The following GNPTAB variants were observed in gnomAD, a reference collection of about 807,000 sequenced individuals.
The protein encoded by GNPTAB is N-acetylglucosamine-1-phosphate transferase subunits alpha and beta, also known as N-acetylglucosamine-1-phosphotransferase subunits alpha/beta.
GNPTAB carries 92 observed loss-of-function variants against 136.6 expected under a neutral mutation model. That is an observed-to-expected ratio of 0.67 (90% CI 0.57 to 0.80). The LOEUF is 0.80. Ranked by LOEUF, GNPTAB falls within the 30% of genes least tolerant of loss-of-function variation. The probability of loss-of-function intolerance (pLI) is 0.00; values close to 1 mark genes in which losing one functional copy is unlikely to be tolerated. For synonymous variants in GNPTAB, 512 were observed against 535.1 expected (o/e 0.96, Z 0.60); for missense variants, 1,343 against 1,501.8 (o/e 0.89, Z 1.75).
intron 1 of GNPTAB, among the ~76,000 whole-genome samples, chr12:101,809,800 C>T (rs1427979371): frequency 6.6e-6 from 1 of 152,068 alleles, no homozygotes; most frequent in Non-Finnish European, 1.5e-5. Context: ...AACTGCAGGG[C>T]AGTGAAACTA....
At chr12:101,809,473 C>T (rs929951322) in intron 1 of GNPTAB, among the ~76,000 whole-genome samples, 2 of 152,156 alleles carry the variant, frequency 1.3e-5, no homozygotes, top group East Asian at 1.9e-4. Flanking sequence ...TGCACATAAA[C>T]GTATATAGCA....
At chr12:101,806,652 A>C (rs1002949242) in intron 1 of GNPTAB, among the ~76,000 whole-genome samples, 2 of 152,182 alleles carry the variant, frequency 1.3e-5, no homozygotes, top group Non-Finnish European at 2.9e-5. Context: ...ATTATGAACA[A>C]CTCTGTCTCC....
At chr12:101,830,532 G>A in intron 1 of GNPTAB, 27 bp downstream of exon 1, 1 of 1,390,838 alleles carries the variant, frequency 7.2e-7, no homozygotes, top group Non-Finnish European at 1.0e-6. Context: ...CGAGGCGCCC[G>A]GTCCAGGCTG....
At chr12:101,772,750 C>T (rs925250984) in intron 7 of GNPTAB, among the ~76,000 whole-genome samples, 1 of 152,116 alleles carries the variant, frequency 6.6e-6, no homozygotes, top group African/African-American at 2.4e-5. Context: ...CTCACAGCAC[C>T]CCCAAAGCAT....
chr12:101,830,698 G>T lies in GNPTAB; in HGVS notation c.-23C>A, dbSNP rs1443413351. The T allele has an allele frequency of 2.1e-6, 3 of 1,426,828 alleles. No individual in the cohort carries two copies. The highest frequency in any genetic ancestry group is 2.9e-6 in the Non-Finnish European group (3 of 1,029,776). 88.4% of individuals were successfully genotyped at this position (1,426,828 alleles called of 1,614,324 possible). On this transcript the variant is annotated 5_prime_UTR_variant, in exon 1 of 21. Transcript: ENST00000299314. The stretch of plus-strand genomic sequence containing the variant: ...CATCACCCCTTCACCGCCACGCCAC[G>T]CCCCGAGGAGCCTGAGCCGCCGCCG...
chr12:101,770,910 C>G, intron 8 of GNPTAB, 86 bp downstream of exon 8: 61 of 1,234,414 alleles, frequency 4.9e-5, no homozygotes, highest in Non-Finnish European at 6.1e-5. Context: ...CTGTAAGTCC[C>G]CTTCCCTCTT....
chr12:101,752,956 C>T (rs771940015), intron 19 of GNPTAB, among the ~76,000 whole-genome samples: 5 of 152,140 alleles, frequency 3.3e-5, no homozygotes, highest in African/African-American at 7.2e-5. Flanking sequence ...GCAAATAACA[C>T]GTTAAAGAAA....
At chr12:101,820,917 C>T (rs1057150117) in intron 1 of GNPTAB, among the ~76,000 whole-genome samples, 5 of 151,936 alleles carry the variant, frequency 3.3e-5, no homozygotes, top group African/African-American at 9.7e-5. Context: ...AGTTGCTGGG[C>T]GTGGCAGTGC....
chr12:101,790,740 T>TA lies in GNPTAB; in HGVS notation c.204-684dup, dbSNP rs59673928. Among the ~76,000 whole-genome samples the TA allele has an allele frequency of 6.0e-3, 826 of 137,748 alleles. 2 individuals are homozygous for TA. The highest frequency in any genetic ancestry group is 0.034 in the Middle Eastern group (9 of 266). 90.4% of individuals were successfully genotyped at this position (137,748 alleles called of 152,430 possible). The stretch of plus-strand genomic sequence containing the variant: ...GGGAGACAGATCAAGGCCTTGTCTC[T>TA]AAAAAAAAAAAAAAAAGAACAAATT... On this transcript the variant is annotated intron_variant, in intron 2 of 20. Coordinates refer to ENST00000299314, the MANE Select transcript of GNPTAB (RefSeq NM_024312.5).
At chr12:101,787,806 G>C (rs1291833011) in intron 4 of GNPTAB, among the ~76,000 whole-genome samples, 2 of 151,766 alleles carry the variant, frequency 1.3e-5, no homozygotes, top group African/African-American at 4.8e-5. Flanking sequence ...CTAGCTACTC[G>C]GGAGGCTGAG....
intron 1 of GNPTAB, among the ~76,000 whole-genome samples, chr12:101,800,604 CAAA>C (rs58129963): frequency 0.015 from 1,140 of 74,300 alleles, 18 homozygotes; most frequent in African/African-American, 0.055. Context: ...ACTAAAAATA[CAAA>C]AAAAAAAAAA....
At chr12:101,793,521 C>T (rs1018576141) in intron 2 of GNPTAB, among the ~76,000 whole-genome samples, 3 of 152,154 alleles carry the variant, frequency 2.0e-5, no homozygotes, top group African/African-American at 4.8e-5. Context: ...TGGAAGGAGA[C>T]TGTGTGATCT....
intron 1 of GNPTAB, among the ~76,000 whole-genome samples, chr12:101,804,018 G>C (rs1205435248): frequency 6.6e-6 from 1 of 151,960 alleles, no homozygotes; most frequent in East Asian, 1.9e-4. Context: ...GATCGCTTGA[G>C]CCTGGAAGTT....
chr12:101,790,072 C>A lies in GNPTAB; in HGVS notation c.204-15G>T, dbSNP rs10860787. ...GCAGACAAAGCCTAGGGCAAACCAA[C>A]AAATCCTCCAGCTTAAATGCATTTT... On this transcript the variant is annotated splice_polypyrimidine_tract_variant and intron_variant, in intron 2 of 20. Coordinates refer to ENST00000299314, the MANE Select transcript of GNPTAB (RefSeq NM_024312.5). 0.023 allele frequency: 36,627 copies of A among 1,613,994 alleles called. 3,644 individuals carry two copies. The East Asian group carries it at 0.32, about 14-fold the overall frequency.
At chr12:101,796,652 T>C in intron 2 of GNPTAB, 25 bp downstream of exon 2, 3 of 1,467,654 alleles carry the variant, frequency 2.0e-6, no homozygotes, top group Non-Finnish European at 1.9e-6. Flanking sequence ...GTCCAAATAA[T>C]AGATTTCTCC....
intron 1 of GNPTAB, among the ~76,000 whole-genome samples, chr12:101,813,166 T>C (rs1344742705): frequency 2.0e-5 from 3 of 152,166 alleles, no homozygotes; most frequent in Non-Finnish European, 4.4e-5. Flanking sequence ...AAAAGATTTA[T>C]GCAATCCGAA....
chr12:101,758,000 T>C (rs992170763), intron 16 of GNPTAB, among the ~76,000 whole-genome samples: 4 of 151,882 alleles, frequency 2.6e-5, no homozygotes, highest in African/African-American at 9.7e-5. Context: ...GTGAGGCGTC[T>C]GGTGAATTCC....
chr12:101,794,664 C>T (rs543839990), intron 2 of GNPTAB, among the ~76,000 whole-genome samples: 3 of 152,068 alleles, frequency 2.0e-5, no homozygotes, highest in Non-Finnish European at 4.4e-5. Flanking sequence ...AAAAATCAAA[C>T]TATATTTTAA....
chr12:101,815,710 A>T (rs1459778098), intron 1 of GNPTAB, among the ~76,000 whole-genome samples: 1 of 152,138 alleles, frequency 6.6e-6, no homozygotes, highest in African/African-American at 2.4e-5. Context: ...TTCAGTGCTC[A>T]CTGATTCTGC....
Sources: gnomAD v4.1 joint callset for allele counts (sites outside exome capture counted in the v4.1 genomes callset) on GRCh38, gnomAD v4.1.1 for gene constraint, MANE v1.5 for transcripts, NCBI Gene and HGNC (gene_info 2026-07-23, HGNC 2026-07-21) for gene names.